CEACAM4: variants seen among roughly 807,000 people sequenced by gnomAD.
The protein encoded by CEACAM4 is CEA cell adhesion molecule 4.
Under a neutral mutation model 28.7 loss-of-function variants are expected in CEACAM4, and 30 were observed. The ratio of observed to expected loss-of-function variants is 1.05; its 90% confidence interval spans 0.78 to 1.42. The LOEUF (loss-of-function observed/expected upper bound fraction) is 1.42, where lower values mean the gene tolerates loss of function less well. Among genes scored for constraint, CEACAM4 ranks in the 40% most tolerant of loss-of-function variants. The pLI, the probability that CEACAM4 is intolerant of heterozygous loss-of-function variation, is 0.00. For synonymous variants in CEACAM4, 143 were observed against 126.5 expected, an observed-to-expected ratio of 1.13 and a Z score of -0.87; for missense variants, 330 against 308.2, an observed-to-expected ratio of 1.07 and a Z score of -0.53.
At chr19:41,616,465 T>A (rs2070983116), downstream of CEACAM4, among the ~76,000 whole-genome samples, 2 of 151,562 alleles carry the variant, frequency 1.3e-5, no homozygotes, top group Admixed American at 1.3e-4. Flanking sequence ...AGCATTCTCA[T>A]ATATACATAC....
chr19:41,615,178 G>T (rs541543173), downstream of CEACAM4, among the ~76,000 whole-genome samples: 3 of 152,152 alleles, frequency 2.0e-5, no homozygotes, highest in East Asian at 3.9e-4. Flanking sequence ...ATGTGTGTCT[G>T]TCCCAGTCAC....
intron 2 of CEACAM4, 60 bp downstream of exon 2, chr19:41,625,541 T>A: frequency 1.3e-6 from 2 of 1,532,492 alleles, no homozygotes; most frequent in Admixed American, 4.2e-5. Flanking sequence ...GGCCTGACAA[T>A]CTCATGTGTG....
intron 2 of CEACAM4, among the ~76,000 whole-genome samples, chr19:41,622,853 TATAGATAG>T (rs1288831230): frequency 0.011 from 1,453 of 132,302 alleles, 21 homozygotes; most frequent in African/African-American, 0.03. Context: ...TATACATATA[TATAGATAG>T]ATAGATAGAT....
intron 3 of CEACAM4, 151 bp from the exon 4 acceptor site, chr19:41,620,778 G>A (rs2071230605): frequency 1.8e-5 from 13 of 708,070 alleles, no homozygotes; most frequent in Non-Finnish European, 3.0e-5. Flanking sequence ...CCGAGGACGG[G>A]GAGCTGAGGA....
chr19:41,620,307 G>A (rs1054456803), intron 4 of CEACAM4, 65 bp from the exon 5 acceptor site: 2 of 1,339,126 alleles, frequency 1.5e-6, no homozygotes, highest in Non-Finnish European at 2.0e-6. Flanking sequence ...CTGCAGGAGA[G>A]TGTAGGGGTC....
At chr19:41,622,847 C>T (rs3901993) in intron 2 of CEACAM4, among the ~76,000 whole-genome samples, 2 of 123,620 alleles carry the variant, frequency 1.6e-5, no homozygotes, top group Admixed American at 1.6e-4. Context: ...CATATATATA[C>T]ATATATATAG....
downstream of CEACAM4, among the ~76,000 whole-genome samples, chr19:41,618,338 T>G (rs1187998029): frequency 6.6e-6 from 1 of 152,048 alleles, no homozygotes; most frequent in Non-Finnish European, 1.5e-5. Context: ...GGGGGTAAAG[T>G]GGGAACTGAT....
intron 2 of CEACAM4, among the ~76,000 whole-genome samples, chr19:41,622,375 G>A (rs1435687795): frequency 6.6e-6 from 1 of 152,192 alleles, no homozygotes; most frequent in Non-Finnish European, 1.5e-5. Context: ...ACTGCGCCCA[G>A]TCTTCCTCTT....
intron 4 of CEACAM4, 136 bp downstream of exon 4, chr19:41,620,439 C>T: frequency 2.3e-6 from 2 of 883,350 alleles, no homozygotes; most frequent in Non-Finnish European, 1.7e-6. Context: ...CAGTCGGGGT[C>T]CCCTGTGTCA....
the CEACAM4 span, among the ~76,000 whole-genome samples, chr19:41,613,732 G>A: frequency 1.3e-5 from 2 of 152,140 alleles, no homozygotes; most frequent in Non-Finnish European, 2.9e-5. Flanking sequence ...GGTCAGTGGG[G>A]CAGTCATACG....
intron 1 of CEACAM4, 149 bp downstream of exon 1, chr19:41,626,751 C>T: frequency 1.7e-6 from 1 of 602,272 alleles, no homozygotes; most frequent in Non-Finnish European, 2.9e-6. Context: ...ATGTTCTCTC[C>T]CTTATCCAGC....
At chr19:41,626,120 G>A (rs2122618865) in intron 1 of CEACAM4, among the ~76,000 whole-genome samples, 160 bp from the exon 2 acceptor site, 1 of 120,552 alleles carries the variant, frequency 8.3e-6, no homozygotes, top group East Asian at 3.0e-4. Context: ...GTGTGTGTGT[G>A]TGTGTCCCTG....
At chr19:41,624,961 T>C (rs1290727656) in intron 2 of CEACAM4, among the ~76,000 whole-genome samples, 3 of 152,190 alleles carry the variant, frequency 2.0e-5, no homozygotes, top group Non-Finnish European at 4.4e-5. Context: ...TTCCTACCCC[T>C]GGGCCACTGA....
downstream of CEACAM4, among the ~76,000 whole-genome samples, chr19:41,614,273 T>C (rs1164843581): frequency 1.3e-5 from 2 of 152,224 alleles, no homozygotes; most frequent in African/African-American, 2.4e-5. Flanking sequence ...TCCTTCAACA[T>C]GTATTTATGA....
chr19:41,618,616 G>A (rs2071059075), downstream of CEACAM4, among the ~76,000 whole-genome samples: 1 of 152,150 alleles, frequency 6.6e-6, no homozygotes, highest in African/African-American at 2.4e-5. Context: ...TCAGGACACT[G>A]GAGGCTGCGT....
At chr19:41,625,379 G>C (rs1209030348) in intron 2 of CEACAM4, among the ~76,000 whole-genome samples, 2 of 151,932 alleles carry the variant, frequency 1.3e-5, no homozygotes, top group Non-Finnish European at 2.9e-5. Context: ...CCCTGCTGAG[G>C]CCCCCCCGCC....
At chr19:41,616,990 G>T (rs1040277618), downstream of CEACAM4, among the ~76,000 whole-genome samples, 5 of 152,172 alleles carry the variant, frequency 3.3e-5, no homozygotes, top group African/African-American at 7.2e-5. Flanking sequence ...ACATGCAAAG[G>T]TTTCGCAATT....
rs782007228 is a variant in CEACAM4, at chr19:41,619,337, A to G, written c.728T>C (p.Val243Ala). Reference protein sequence around the residue: ...YCQIDHKADVVS With the variant: ...YCQIDHKADVAS ...AGCAGCTCCCAGAGGAACCTAAGAGACCACATCTGCTTTGTGGTCGATCTG... is the reference window on the plus strand; with the variant it reads ...AGCAGCTCCCAGAGGAACCTAAGAGGCCACATCTGCTTTGTGGTCGATCTG... Residue 243 changes from valine to alanine, a missense_variant, in exon 7 of 7, where the codon GTC becomes GCC. Physicochemically the swap from Val to Ala is moderately conservative, Grantham distance 64. Coordinates refer to ENST00000221954, the MANE Select transcript of CEACAM4 (RefSeq NM_001817.4). 20 of 1,613,718 alleles carry G rather than the reference A, an allele frequency of 1.2e-5. No homozygotes were observed. In the African/African-American group the frequency reaches 2.5e-4, roughly 20 times the overall value.
At position 41,619,725 on chromosome 19, in the gene CEACAM4, AGAG is replaced by A. The variant is rs1878150205; in HGVS notation, c.628-17_628-15del. ...GGGTAGAGGGGCCTGGGCAGGGGAG[AGAG>A]GAGATGTCAGGGGACAGGGAGGGAG... On this transcript the variant is annotated splice_polypyrimidine_tract_variant and intron_variant, in intron 5 of 6. Transcript: ENST00000221954. 2.6e-6 allele frequency: 4 copies of A among 1,554,678 alleles called. No individual in the cohort carries two copies. Among genetic ancestry groups the A allele is most frequent in the Admixed American group, 2.0e-5 (1 of 50,654 alleles).
Sources: gnomAD v4.1 joint callset for allele counts (sites outside exome capture counted in the v4.1 genomes callset) on GRCh38, gnomAD v4.1.1 for gene constraint, MANE v1.5 for transcripts, NCBI Gene and HGNC (gene_info 2026-07-23, HGNC 2026-07-21) for gene names.